Variants in SOX1 observed in about 807,000 individuals in gnomAD.
The protein encoded by SOX1 is transcription factor SOX-1.
SOX1 carries 1 observed loss-of-function variant against 0.9 expected under a neutral mutation model. The observed-to-expected ratio is 1.07, with a 90% CI of 0.38 to 5.06. The LOEUF is 5.06. SOX1 is among the 30% of genes most tolerant of loss of function. SOX1 has a pLI of 0.16. For missense variants in SOX1, 564 were observed against 534.4 expected (o/e 1.06, Z -0.55); for synonymous variants, 397 against 265.5 (o/e 1.50, Z -4.81).
At position 112,067,373 on chromosome 13, in the gene SOX1, T is replaced by C. The variant is rs931179872; in HGVS notation, c.-286T>C. 6.6e-6 allele frequency among the ~76,000 whole-genome samples: 1 copy of C among 152,254 alleles called. No homozygotes were observed. Among genetic ancestry groups the C allele is most frequent in the East Asian group, 1.9e-4 (1 of 5,142 alleles). ...TTTGCACCGCTCCGCCGAGGGCGCC[T>C]GGGCTGCGGTGGCGGCGAAGACGGC... is the stretch of plus-strand genomic sequence containing the variant. On this transcript the variant is annotated 5_prime_UTR_variant, in exon 1 of 1. Transcript: ENST00000330949. This position sits in a 1 kb window ranked among gnomAD's most constrained non-coding sequence, Gnocchi z 5.1.
Position 112,067,942 on chromosome 13 carries a change from C to A in SOX1, c.284C>A (p.Ala95Asp). The change falls in exon 1 of 1, where the codon GCC (alanine) becomes GAC (aspartate). Residue 95 changes from alanine (A) to aspartate (D), a missense_variant. By Grantham distance (126) the Ala-to-Asp change is moderately radical. Coordinates refer to ENST00000330949, the MANE Select transcript of SOX1 (RefSeq NM_005986.3). The surrounding 1 kb of genome is among the most constrained non-coding windows in gnomAD (Gnocchi z 5.1). ...LGAEWKVMSE[A>D]EKRPFIDEAK... The stretch of plus-strand genomic sequence containing the variant: ...GCCGAGTGGAAGGTCATGTCCGAGG[C>A]CGAGAAGCGGCCGTTCATCGACGAG... 1.2e-6 allele frequency: 2 copies of A among 1,607,608 alleles called. No individual in the cohort carries two copies. Among genetic ancestry groups the A allele is most frequent in the Non-Finnish European group, 1.7e-6 (2 of 1,176,748 alleles).
rs1880859689 is a variant in SOX1, at chr13:112,070,445, T to C, written c.*1611T>C. ...ATTTAAAAATTTCTGTAAAACTTTG[T>C]CTTCAAGTAATCTGACAGCATTAAA... On this transcript the variant is annotated 3_prime_UTR_variant, in exon 1 of 1. Coordinates refer to ENST00000330949, the MANE Select transcript of SOX1 (RefSeq NM_005986.3). The C allele has an allele frequency of 6.0e-6, 1 of 166,932 alleles. No homozygotes were observed. Among genetic ancestry groups the C allele is most frequent in the Non-Finnish European group, 1.5e-5 (1 of 68,118 alleles). The allele number at this position is 166,932 out of a possible 1,614,324, so 10.3% of individuals were successfully genotyped here.
chr13:112,068,243 G>C lies in SOX1; in HGVS notation c.585G>C (p.Ser195=), dbSNP rs1880779243. ...GGGCCAACGGCGCCTACCCCGGCTC[G>C]GTGGCGGCGGCGGCGGCGGCCGCGG... is the stretch of plus-strand genomic sequence containing the variant. ...NGWANGAYPG[S]VAAAAAAAAM... Residue 195 remains serine, a synonymous_variant, in exon 1 of 1, where the codon TCG becomes TCC. Coordinates refer to ENST00000330949, the MANE Select transcript of SOX1 (RefSeq NM_005986.3). The surrounding 1 kb of genome is among the most constrained non-coding windows in gnomAD (Gnocchi z 6.9). 6.6e-6 allele frequency: 5 copies of C among 759,262 alleles called. No homozygotes were observed. Among genetic ancestry groups the C allele is most frequent in the Admixed American group, 6.0e-5 (1 of 16,532 alleles). 47.0% of individuals were successfully genotyped at this position (759,262 alleles called of 1,614,324 possible).
rs909014585 is a variant in SOX1 at position 112,071,589 on chromosome 13, C to T, written c.*2755C>T. On this transcript the variant is annotated 3_prime_UTR_variant, in exon 1 of 1. Transcript: ENST00000330949. ...GAAAAGATTACAGTAGGCCCTGAGC[C>T]GACTGTGAATTCGGTGCTTGGCCAA... is the stretch of plus-strand genomic sequence containing the variant. Among the ~76,000 whole-genome samples the T allele has an allele frequency of 3.9e-5, 6 of 152,020 alleles. No individual in the cohort carries two copies. The highest frequency in any genetic ancestry group is 1.2e-4 in the African/African-American group (5 of 41,380).
rs1880836821 is a variant in SOX1, at chr13:112,069,712, G to A, written c.*878G>A. 1 of 167,072 alleles carries A rather than the reference G, an allele frequency of 6.0e-6. No individual in the cohort carries two copies. Among genetic ancestry groups the A allele is most frequent in the Admixed American group, 6.5e-5 (1 of 15,284 alleles). The allele number at this position is 167,072 out of a possible 1,614,324, so 10.3% of individuals were successfully genotyped here. A position where few individuals can be genotyped will look rare whatever the true frequency, so the allele number is the denominator to read the frequency against. On this transcript the variant is annotated 3_prime_UTR_variant, in exon 1 of 1. Transcript: ENST00000330949. ...AAATGCAATGAGGAAATCTGACAGG[G>A]AAATTATCTGTATGAACTAAAAGTA...
rs1880753773 is a variant in SOX1 at position 112,067,647 on chromosome 13, C to A, written c.-12C>A. 1 of 1,275,148 alleles carries A rather than the reference C, an allele frequency of 7.8e-7. No homozygotes were observed. Among genetic ancestry groups the A allele is most frequent in the Non-Finnish European group, 1.0e-6 (1 of 999,640 alleles). The allele number at this position is 1,275,148 out of a possible 1,614,324, so 79.0% of individuals were successfully genotyped here. On this transcript the variant is annotated 5_prime_UTR_variant, in exon 1 of 1. Transcript: ENST00000330949. The surrounding 1 kb of genome is among the most constrained non-coding windows in gnomAD (Gnocchi z 5.1). ...TCTCCTCGCGGTGCCGGTGAACCCGCCAGCCGCCCCGATGTACAGCATGAT... is the reference window on the plus strand; with the variant it reads ...TCTCCTCGCGGTGCCGGTGAACCCGACAGCCGCCCCGATGTACAGCATGAT...
rs976368171 is a variant in SOX1, at chr13:112,070,191, C to T, written c.*1357C>T. 1.2e-5 allele frequency: 2 copies of T among 167,080 alleles called. No homozygotes were observed. Among genetic ancestry groups the T allele is most frequent in the Non-Finnish European group, 2.9e-5 (2 of 68,104 alleles). 10.3% of individuals were successfully genotyped at this position (167,080 alleles called of 1,614,324 possible). ...CATCCTCTGCCCCTCCCCCTGGCTT[C>T]TTTCTCTTGGGAAAACGGGCAAAAT... On this transcript the variant is annotated 3_prime_UTR_variant, in exon 1 of 1. Transcript: ENST00000330949.
Position 112,068,207 on chromosome 13 carries a change from C to G in SOX1, c.549C>G (p.His183Gln), listed in dbSNP as rs1399055554. ...PGGAAGGGYA[H>Q]VNGWANGAYP... ...GCGCGGCGGGCGGCGGCTACGCGCA[C>G]GTCAACGGCTGGGCCAACGGCGCCT... Residue 183 changes from histidine to glutamine, a missense_variant, in exon 1 of 1, where the codon CAC becomes CAG. Coordinates refer to ENST00000330949, the MANE Select transcript of SOX1 (RefSeq NM_005986.3). This position sits in a 1 kb window ranked among gnomAD's most constrained non-coding sequence, Gnocchi z 6.9. The G allele has an allele frequency of 3.9e-6, 3 of 778,822 alleles. No homozygotes were observed. Among genetic ancestry groups the G allele is most frequent in the Non-Finnish European group, 1.6e-6 (1 of 639,412 alleles). The allele number at this position is 778,822 out of a possible 1,614,324, so 48.2% of individuals were successfully genotyped here.
In SOX1 at chr13:112,067,650, G is replaced by A. The variant is rs1317245162; in HGVS notation, c.-9G>A. Reference sequence around the variant, plus strand: ...CCTCGCGGTGCCGGTGAACCCGCCAGCCGCCCCGATGTACAGCATGATGAT... The same window carrying A: ...CCTCGCGGTGCCGGTGAACCCGCCAACCGCCCCGATGTACAGCATGATGAT... On this transcript the variant is annotated 5_prime_UTR_variant, in exon 1 of 1. Transcript: ENST00000330949. The surrounding 1 kb of genome is among the most constrained non-coding windows in gnomAD (Gnocchi z 5.1). The A allele has an allele frequency of 1.1e-5, 14 of 1,269,926 alleles. No homozygotes were observed. The South Asian group carries it at 1.6e-4, about 15-fold the overall frequency. 78.7% of individuals were successfully genotyped at this position (1,269,926 alleles called of 1,614,324 possible).
chr13:112,068,131 G>A lies in SOX1; in HGVS notation c.473G>A (p.Gly158Asp). 1.8e-6 allele frequency: 2 copies of A among 1,114,654 alleles called. No individual in the cohort carries two copies. The highest frequency in any genetic ancestry group is 2.2e-6 in the Non-Finnish European group (2 of 906,144). The allele number at this position is 1,114,654 out of a possible 1,614,324, so 69.0% of individuals were successfully genotyped here. A position where few individuals can be genotyped will look rare whatever the true frequency, so the allele number is the denominator to read the frequency against. ...GGCGCGGCTGTGGCCATGGGCGTGG[G>A]CGTGGGCGTGGGCGCGGCGGCCGTG... ...GGGAAVAMGV[G>D]VGVGAAAVGQ... is the part of the protein sequence containing the mutation. Residue 158 changes from glycine (G) to aspartate (D), a missense_variant, in exon 1 of 1, where the codon GGC becomes GAC. By Grantham distance (94) the Gly-to-Asp change is moderately conservative. Coordinates refer to ENST00000330949, the MANE Select transcript of SOX1 (RefSeq NM_005986.3). The surrounding 1 kb of genome is among the most constrained non-coding windows in gnomAD (Gnocchi z 6.9).
chr13:112,068,730 G>A lies in SOX1; in HGVS notation c.1072G>A (p.Ala358Thr). 3.4e-6 allele frequency: 4 copies of A among 1,188,632 alleles called. No individual in the cohort carries two copies. Among genetic ancestry groups the A allele is most frequent in the Non-Finnish European group, 4.2e-6 (4 of 960,694 alleles). The allele number at this position is 1,188,632 out of a possible 1,614,324, so 73.6% of individuals were successfully genotyped here. A position where few individuals can be genotyped will look rare whatever the true frequency, so the allele number is the denominator to read the frequency against. ...LPAGEGGDPA[A>T]AAAAAAQSRL... ...CGCCGGCGAGGGGGGCGACCCGGCG[G>A]CGGCAGCAGCGGCCGCGGCGCAGAG... The change falls in exon 1 of 1, where the codon GCG (alanine) becomes ACG (threonine). Residue 358 changes from alanine to threonine, a missense_variant. Physicochemically the swap from Ala to Thr is moderately conservative, Grantham distance 58 (BLOSUM62 0). Transcript: ENST00000330949. This position sits in a 1 kb window ranked among gnomAD's most constrained non-coding sequence, Gnocchi z 6.9.
chr13:112,071,463 C>T lies in SOX1; in HGVS notation c.*2629C>T, dbSNP rs1566477178. Among the ~76,000 whole-genome samples, 1 of 152,170 alleles carries T rather than the reference C, an allele frequency of 6.6e-6. No homozygotes were observed. Among genetic ancestry groups the T allele is most frequent in the Non-Finnish European group, 1.5e-5 (1 of 68,028 alleles). On this transcript the variant is annotated 3_prime_UTR_variant, in exon 1 of 1. Coordinates refer to ENST00000330949, the MANE Select transcript of SOX1 (RefSeq NM_005986.3). ...TTAATGACTCCATTTAAAAATATCACAGGGTGGGGGCAAGGAAATTAGCTG... is the reference window on the plus strand; with the variant it reads ...TTAATGACTCCATTTAAAAATATCATAGGGTGGGGGCAAGGAAATTAGCTG...
Position 112,068,841 on chromosome 13 carries a change from C to A in SOX1, c.*7C>A, listed in dbSNP as rs1278352129. ...GCCCCTGACGCACATCTAGCGCCTT[C>A]GGGACGCCGGGGACTCTGCGGCGGC... On this transcript the variant is annotated 3_prime_UTR_variant, in exon 1 of 1. Coordinates refer to ENST00000330949, the MANE Select transcript of SOX1 (RefSeq NM_005986.3). This position sits in a 1 kb window ranked among gnomAD's most constrained non-coding sequence, Gnocchi z 6.9. 1 of 1,214,456 alleles carries A rather than the reference C, an allele frequency of 8.2e-7. No individual in the cohort carries two copies. Among genetic ancestry groups the A allele is most frequent in the African/African-American group, 1.6e-5 (1 of 63,070 alleles). 75.2% of individuals were successfully genotyped at this position (1,214,456 alleles called of 1,614,324 possible).
rs1412588116 is a variant in SOX1 at position 112,070,869 on chromosome 13, T to C, written c.*2035T>C. On this transcript the variant is annotated 3_prime_UTR_variant, in exon 1 of 1. Coordinates refer to ENST00000330949, the MANE Select transcript of SOX1 (RefSeq NM_005986.3). ...AACAAGATAATAAACCCCCCCCCTC[T>C]TTTCTTTTTCTTTATTTTTATTTCT... Among the ~76,000 whole-genome samples the C allele has an allele frequency of 3.8e-5, 5 of 133,272 alleles. No homozygotes were observed. Among genetic ancestry groups the C allele is most frequent in the African/African-American group, 1.6e-4 (5 of 31,088 alleles). 87.4% of individuals were successfully genotyped at this position (133,272 alleles called of 152,430 possible). A position where few individuals can be genotyped will look rare whatever the true frequency, so the allele number is the denominator to read the frequency against.
rs1875846478 is a variant in SOX1, at chr13:112,070,832, C to T, written c.*1998C>T. Among the ~76,000 whole-genome samples the T allele has an allele frequency of 6.6e-6, 1 of 152,146 alleles. No homozygotes were observed. Among genetic ancestry groups the T allele is most frequent in the Non-Finnish European group, 1.5e-5 (1 of 68,040 alleles). On this transcript the variant is annotated 3_prime_UTR_variant, in exon 1 of 1. Transcript: ENST00000330949. ...TTACAAAAAAGTTCAAGAATGATGT[C>T]CACTGCTTTCTAACAAGATAATAAA...
At position 112,068,106 on chromosome 13, in the gene SOX1, G is replaced by C. The variant is rs1392619611; in HGVS notation, c.448G>C (p.Gly150Arg). 1 of 1,484,680 alleles carries C rather than the reference G, an allele frequency of 6.7e-7. No individual in the cohort carries two copies. 92.0% of individuals were successfully genotyped at this position (1,484,680 alleles called of 1,614,324 possible). The change falls in exon 1 of 1, where the codon GGC becomes CGC. Residue 150 changes from glycine to arginine, a missense_variant. Transcript: ENST00000330949. This position sits in a 1 kb window ranked among gnomAD's most constrained non-coding sequence, Gnocchi z 6.9. Reference protein sequence around the residue: ...GLLAAGAGGGGAAVAMGVGVG... With the variant: ...GLLAAGAGGGRAAVAMGVGVG... ...CCTGGCGGCCGGCGCGGGTGGCGGCGGCGCGGCTGTGGCCATGGGCGTGGG... is the reference window on the plus strand; with the variant it reads ...CCTGGCGGCCGGCGCGGGTGGCGGCCGCGCGGCTGTGGCCATGGGCGTGGG...
At position 112,071,054 on chromosome 13, in the gene SOX1, C is replaced by T. The variant is rs550600707; in HGVS notation, c.*2220C>T. On this transcript the variant is annotated 3_prime_UTR_variant, in exon 1 of 1. Transcript: ENST00000330949. The stretch of plus-strand genomic sequence containing the variant: ...TATAATGCTTGTTCTGTTAACTCAC[C>T]GGGACCTTGAGGGTCCAATGGGACC... 8.5e-5 allele frequency among the ~76,000 whole-genome samples: 13 copies of T among 152,292 alleles called. No homozygotes were observed. The South Asian group carries it at 2.5e-3, about 29-fold the overall frequency.
chr13:112,068,788 G>C lies in SOX1; in HGVS notation c.1130G>C (p.Gly377Ala). ...RLHSLPQHYQ[G>A]AGAGVNGTVP... ...CACTCGCTGCCGCAGCACTACCAGGGCGCGGGCGCGGGCGTGAACGGCACG... is the reference window on the plus strand; with the variant it reads ...CACTCGCTGCCGCAGCACTACCAGGCCGCGGGCGCGGGCGTGAACGGCACG... The change falls in exon 1 of 1, where the codon GGC becomes GCC. Residue 377 changes from glycine to alanine, a missense_variant. Transcript: ENST00000330949. The surrounding 1 kb of genome is among the most constrained non-coding windows in gnomAD (Gnocchi z 6.9). 1.6e-6 allele frequency: 2 copies of C among 1,224,432 alleles called. No homozygotes were observed. The allele number at this position is 1,224,432 out of a possible 1,614,324, so 75.8% of individuals were successfully genotyped here.
rs1422249874 is a variant in SOX1 at position 112,068,986 on chromosome 13, G to C, written c.*152G>C. On this transcript the variant is annotated 3_prime_UTR_variant, in exon 1 of 1. Transcript: ENST00000330949. This position sits in a 1 kb window ranked among gnomAD's most constrained non-coding sequence, Gnocchi z 6.9. ...ATACTGGAGACGAACGCCGGGTGAC[G>C]CGTGTCCCCCACTCACCTTCCCCGG... 5.7e-6 allele frequency: 3 copies of C among 525,794 alleles called. No individual in the cohort carries two copies. Among genetic ancestry groups the C allele is most frequent in the Non-Finnish European group, 8.4e-6 (3 of 356,174 alleles). 32.6% of individuals were successfully genotyped at this position (525,794 alleles called of 1,614,324 possible).
Sources: allele counts gnomAD v4.1 joint callset (sites outside exome capture counted in the v4.1 genomes callset), GRCh38; gene constraint gnomAD v4.1.1; non-coding constraint Gnocchi (gnomAD v3.1); transcripts MANE v1.5; gene names NCBI Gene and HGNC (gene_info 2026-07-23, HGNC 2026-07-21).